The following SETD2 variants were observed in gnomAD, a reference collection of about 807,000 sequenced individuals.
SETD2 encodes SET domain containing 2, histone lysine methyltransferase.
SETD2 carries 31 observed loss-of-function variants against 242.1 expected under a neutral mutation model. The ratio of observed to expected loss-of-function variants is 0.13; its 90% CI spans 0.10 to 0.17. The LOEUF (loss-of-function observed/expected upper bound fraction) is 0.17. Ranked by LOEUF, SETD2 falls within the 10% of genes least tolerant of loss-of-function variation. The pLI is 1.00. For synonymous variants in SETD2, 1,006 were observed against 1,066.5 expected (o/e 0.94, Z 1.11); for missense variants, 2,481 against 3,046.3 (o/e 0.81, Z 4.37).
intron 15 of SETD2, among the ~76,000 whole-genome samples, chr3:47,053,720 G>T (rs1191760704): frequency 1.3e-5 from 2 of 152,138 alleles, no homozygotes; most frequent in African/African-American, 4.8e-5. Flanking sequence ...TTAACACTGG[G>T]CTTCAACAAC....
intron 1 of SETD2, among the ~76,000 whole-genome samples, chr3:47,134,301 T>C (rs1366884714): frequency 2.0e-5 from 3 of 152,242 alleles, no homozygotes; most frequent in Admixed American, 6.5e-5. Flanking sequence ...TTTTGACATT[T>C]ATACATTTAA....
At chr3:47,118,960 A>C (rs1314131156) in intron 3 of SETD2, among the ~76,000 whole-genome samples, 1 of 152,200 alleles carries the variant, frequency 6.6e-6, no homozygotes. Context: ...AAATAGCTGT[A>C]AAAGGCTCTC....
chr3:47,150,458 T>C (rs1026191410), intron 1 of SETD2, among the ~76,000 whole-genome samples: 3 of 152,060 alleles, frequency 2.0e-5, no homozygotes, highest in Non-Finnish European at 2.9e-5. Flanking sequence ...GAAATTTGGA[T>C]AGAAAGTCAA....
intron 5 of SETD2, among the ~76,000 whole-genome samples, chr3:47,111,305 T>C (rs1215633430): frequency 6.6e-6 from 1 of 152,060 alleles, no homozygotes; most frequent in Non-Finnish European, 1.5e-5. Flanking sequence ...TGAATGGATA[T>C]GGGGCATATG....
At chr3:47,085,880 A>C (rs1426713541) in intron 11 of SETD2, among the ~76,000 whole-genome samples, 1 of 152,174 alleles carries the variant, frequency 6.6e-6, no homozygotes, top group Non-Finnish European at 1.5e-5. Flanking sequence ...CCATCTTTTT[A>C]AAACTCTGGT....
intron 12 of SETD2, among the ~76,000 whole-genome samples, chr3:47,072,667 C>G (rs747933917): frequency 6.6e-6 from 1 of 151,850 alleles, no homozygotes; most frequent in African/African-American, 2.4e-5. Flanking sequence ...AAATTAGGAC[C>G]GGGCACGGTG....
intron 1 of SETD2, among the ~76,000 whole-genome samples, chr3:47,140,598 CG>C (rs1559761548): frequency 6.6e-6 from 1 of 152,180 alleles, no homozygotes; most frequent in African/African-American, 2.4e-5. Flanking sequence ...CAGTGGCTCA[CG>C]CCTGTAATCT....
At chr3:47,160,172 T>C (rs962290134) in intron 1 of SETD2, among the ~76,000 whole-genome samples, 2 of 152,060 alleles carry the variant, frequency 1.3e-5, no homozygotes, top group African/African-American at 2.4e-5. Flanking sequence ...TAAATATCAC[T>C]CTCTCAAGGA....
In SETD2 at chr3:47,098,157, G is replaced by C. The variant is rs73831477; in HGVS notation, c.5016-76C>G. 3.5e-4 allele frequency: 513 copies of C among 1,483,120 alleles called. 2 individuals carry two copies. The African/African-American group carries it at 6.5e-3, about 19-fold the overall frequency. The allele number at this position is 1,483,120 out of a possible 1,614,324, so 91.9% of individuals were successfully genotyped here. A position where few individuals can be genotyped will look rare whatever the true frequency, so the allele number is the denominator to read the frequency against. On this transcript the variant is annotated intron_variant, in intron 8 of 20. Coordinates refer to ENST00000409792, the MANE Select transcript of SETD2 (RefSeq NM_014159.7). ...AAAACTGTTGGCAATACACACAAAA[G>C]TCATACCAGTCTAAACAAAATCAAA... is the stretch of plus-strand genomic sequence containing the variant.
intron 16 of SETD2, among the ~76,000 whole-genome samples, chr3:47,043,535 C>A (rs566775947): frequency 6.6e-6 from 1 of 152,332 alleles, no homozygotes; most frequent in Admixed American, 6.5e-5. Flanking sequence ...TTTGTTACCG[C>A]AGCCCTAGCA....
intron 1 of SETD2, chr3:47,127,538 G>A: frequency 2.2e-6 from 1 of 452,622 alleles, no homozygotes. Context: ...GACCACCCTG[G>A]GTAACATAGC....
intron 11 of SETD2, 40 bp downstream of exon 11, chr3:47,086,155 T>C (rs747371980): frequency 6.2e-7 from 1 of 1,606,288 alleles, no homozygotes; most frequent in South Asian, 1.1e-5. Flanking sequence ...GCAATCAATA[T>C]AACAGTTTTA....
At position 47,123,477 on chromosome 3, in the gene SETD2, T is replaced by C. The variant is rs1227947168; in HGVS notation, c.1159A>G (p.Thr387Ala). ...YFSYSKLERD[T>A]RYVSSRCRSE... ...CTACATCGGGAAGATACATACCGAG[T>C]ATCTCTTTCAAGTTTTGAATAGCTA... Residue 387 changes from threonine to alanine, a missense_variant, in exon 3 of 21, where the codon ACT (threonine) becomes GCT (alanine). Physicochemically the swap from Thr to Ala is moderately conservative, Grantham distance 58 (BLOSUM62 0). Transcript: ENST00000409792. 3.2e-6 allele frequency: 5 copies of C among 1,551,380 alleles called. No individual in the cohort carries two copies. The highest frequency in any genetic ancestry group is 2.4e-5 in the South Asian group (2 of 84,044).
At chr3:47,145,303 A>AC (rs1434910924) in intron 1 of SETD2, among the ~76,000 whole-genome samples, 3 of 152,184 alleles carry the variant, frequency 2.0e-5, no homozygotes, top group African/African-American at 7.2e-5. Context: ...TGTTTCATAT[A>AC]CCCCTTATAC....
chr3:47,084,654 G>A (rs1304184271), intron 11 of SETD2, among the ~76,000 whole-genome samples: 2 of 151,916 alleles, frequency 1.3e-5, no homozygotes, highest in African/African-American at 4.8e-5. Context: ...TCAAACTCCT[G>A]ACCTCAAGTG....
upstream of SETD2, chr3:47,164,738 G>T (rs1290078921): frequency 6.6e-6 from 1 of 152,346 alleles, no homozygotes; most frequent in African/African-American, 2.4e-5. This position sits in a 1 kb window ranked among gnomAD's most constrained non-coding sequence, Gnocchi z 5.4. Flanking sequence ...GGGATTGCTC[G>T]GAGGCCGAGC....
chr3:47,161,130 GC>G (rs1697478606), intron 1 of SETD2, among the ~76,000 whole-genome samples: 1 of 152,120 alleles, frequency 6.6e-6, no homozygotes, highest in Non-Finnish European at 1.5e-5. Flanking sequence ...GAGCCATGTT[GC>G]CCACCTAGTC....
intron 12 of SETD2, among the ~76,000 whole-genome samples, chr3:47,074,618 C>T (rs970592179): frequency 2.0e-5 from 3 of 152,152 alleles, no homozygotes; most frequent in African/African-American, 7.2e-5. Flanking sequence ...CCTTACCCAC[C>T]CTTCACTACA....
rs772606528 is a variant in SETD2 at position 47,121,367 on chromosome 3, C to T, written c.3269G>A (p.Ser1090Asn). The change falls in exon 3 of 21, where the codon AGC (serine) becomes AAC (asparagine). Residue 1090 changes from serine to asparagine, a missense_variant. Coordinates refer to ENST00000409792, the MANE Select transcript of SETD2 (RefSeq NM_014159.7). ...AGAATAGTGTCTATAACTTTGACTGCTCCGAGAAGAACAAGGACTTGTTTC... is the reference window on the plus strand; with the variant it reads ...AGAATAGTGTCTATAACTTTGACTGTTCCGAGAAGAACAAGGACTTGTTTC... The part of the protein sequence containing the change: ...MEETSPCSSR[S>N]SQSYRHYSDH... The T allele has an allele frequency of 6.2e-6, 10 of 1,609,646 alleles. No homozygotes were observed. The highest frequency in any genetic ancestry group is 3.3e-5 in the Admixed American group (2 of 60,004).
Sources: allele counts gnomAD v4.1 joint callset (sites outside exome capture counted in the v4.1 genomes callset), GRCh38; gene constraint gnomAD v4.1.1; non-coding constraint Gnocchi (gnomAD v3.1); transcripts MANE v1.5; gene names NCBI Gene and HGNC (gene_info 2026-07-23, HGNC 2026-07-21).